Variants in POR observed in about 807,000 individuals in gnomAD.
POR encodes NADPH--cytochrome P450 reductase.
Under a neutral mutation model 84.0 loss-of-function variants are expected in POR, and 56 were observed. That is an observed-to-expected ratio of 0.67 (90% CI 0.54 to 0.83). The LOEUF is 0.83. POR is among the 40% of genes least tolerant of loss of function. The pLI, the probability that POR is intolerant of heterozygous loss-of-function variation, is 0.00. For synonymous variants in POR, 414 were observed against 400.5 expected (o/e 1.03, Z -0.40); for missense variants, 938 against 944.3 (o/e 0.99, Z 0.09).
chr7:75,959,516 C>T (rs1359454545), intron 2 of POR, among the ~76,000 whole-genome samples: 3 of 152,176 alleles, frequency 2.0e-5, no homozygotes, highest in South Asian at 2.1e-4. Flanking sequence ...AGTGCTATGG[C>T]GCGATATCAG....
intron 3 of POR, among the ~76,000 whole-genome samples, chr7:75,976,494 C>T (rs1198189327): frequency 2.0e-5 from 3 of 150,118 alleles, no homozygotes; most frequent in East Asian, 2.0e-4. Context: ...TCTGTAATCC[C>T]AGCACTTTGG....
chr7:75,957,989 C>T (rs1787759462), intron 2 of POR, among the ~76,000 whole-genome samples: 1 of 152,104 alleles, frequency 6.6e-6, no homozygotes, highest in African/African-American at 2.4e-5. Flanking sequence ...AGTCTGTGTC[C>T]CCAACTGTAA....
intron 4 of POR, among the ~76,000 whole-genome samples, chr7:75,980,137 G>A (rs1344305664): frequency 3.9e-5 from 6 of 152,118 alleles, no homozygotes; most frequent in Admixed American, 6.6e-5. Context: ...AGCCTAACAC[G>A]GGTGACCTTG....
At chr7:75,916,487 T>G (rs1208300481) in intron 1 of POR, among the ~76,000 whole-genome samples, 2 of 152,152 alleles carry the variant, frequency 1.3e-5, no homozygotes, top group East Asian at 1.9e-4. Context: ...TCCTTTTTTT[T>G]GGGAGGAGGG....
At chr7:75,949,473 A>G (rs1468577041) in intron 1 of POR, among the ~76,000 whole-genome samples, 5 of 147,800 alleles carry the variant, frequency 3.4e-5, no homozygotes, top group African/African-American at 1.3e-4. Context: ...TTTTGTACGA[A>G]GTATGATGTG....
Position 75,982,330 on chromosome 7 carries a change from G to A in POR, c.830+8G>A. On this transcript the variant is annotated splice_region_variant and intron_variant, in intron 8 of 15. Coordinates refer to ENST00000461988, the MANE Select transcript of POR (RefSeq NM_000941.3). ...CTACGAGAACCAGAAGCCGTGAGTG[G>A]AGGGAGCGTGGCTTGGGGCAGACGG... 1 of 1,606,286 alleles carries A rather than the reference G, an allele frequency of 6.2e-7. No individual in the cohort carries two copies. The highest frequency in any genetic ancestry group is 8.5e-7 in the Non-Finnish European group (1 of 1,176,324).
At chr7:75,959,277 TCTC>T (rs1554554179) in intron 2 of POR, among the ~76,000 whole-genome samples, 1 of 152,110 alleles carries the variant, frequency 6.6e-6, no homozygotes, top group East Asian at 1.9e-4. Flanking sequence ...CAAGCCTAGA[TCTC>T]CTATTCTAAA....
chr7:75,979,073 A>G (rs1477463901), intron 3 of POR, among the ~76,000 whole-genome samples: 1 of 152,226 alleles, frequency 6.6e-6, no homozygotes, highest in African/African-American at 2.4e-5. Context: ...CTGGGATCAC[A>G]GGTGTGAGCC....
At chr7:75,938,810 A>G (rs1807825060) in intron 1 of POR, among the ~76,000 whole-genome samples, 1 of 152,156 alleles carries the variant, frequency 6.6e-6, no homozygotes, top group Non-Finnish European at 1.5e-5. Context: ...ACATAAAAAC[A>G]CATCCCATTG....
chr7:75,937,896 G>A (rs1440947603), intron 1 of POR, among the ~76,000 whole-genome samples: 1 of 152,176 alleles, frequency 6.6e-6, no homozygotes, highest in African/African-American at 2.4e-5. Context: ...TAATGTTGAC[G>A]CTGGATTATA....
chr7:75,919,854 A>G (rs1698387450), intron 1 of POR, among the ~76,000 whole-genome samples: 2 of 152,020 alleles, frequency 1.3e-5, no homozygotes, highest in Admixed American at 6.6e-5. Context: ...TGACTTGGAT[A>G]GGGGGATATC....
chr7:75,974,847 G>C (rs982546359), intron 3 of POR, among the ~76,000 whole-genome samples: 6 of 151,994 alleles, frequency 3.9e-5, no homozygotes. Context: ...TTTTTTAATA[G>C]ATTCTCTCTT....
intron 3 of POR, among the ~76,000 whole-genome samples, chr7:75,973,375 G>A (rs1385691030): frequency 1.4e-5 from 2 of 146,916 alleles, no homozygotes; most frequent in African/African-American, 5.0e-5. Context: ...GTGCAGCGGC[G>A]CCATCATAGC....
In POR at chr7:75,982,237, G is replaced by A. The variant is rs782428590; in HGVS notation, c.745G>A (p.Glu249Lys). The A allele has an allele frequency of 5.6e-6, 9 of 1,611,380 alleles. No homozygotes were observed. Among genetic ancestry groups the A allele is most frequent in the East Asian group, 4.5e-5 (2 of 44,786 alleles). Residue 249 changes from glutamate to lysine, a missense_variant, in exon 8 of 16, where the codon GAG becomes AAG. Glu to Lys is a moderately conservative substitution (Grantham distance 56). Coordinates refer to ENST00000461988, the MANE Select transcript of POR (RefSeq NM_000941.3). ...TCCCCTTTCCAGCATTCGCCAGTAC[G>A]AGCTTGTGGTCCACACCGACATAGA...
intron 1 of POR, among the ~76,000 whole-genome samples, chr7:75,948,750 T>G (rs62475268): frequency 0.18 from 27,997 of 152,198 alleles, 3,406 homozygotes; most frequent in Non-Finnish European, 0.27. Context: ...TATGCCAGTC[T>G]GTGAACTAAG....
chr7:75,946,138 C>CTA (rs1554552106), intron 1 of POR, among the ~76,000 whole-genome samples: 2 of 151,604 alleles, frequency 1.3e-5, no homozygotes, highest in Non-Finnish European at 2.9e-5. Context: ...CGTGGTCAAG[C>CTA]TATACATGCA....
chr7:75,947,130 C>T (rs1225382179), intron 1 of POR: 2 of 152,272 alleles, frequency 1.3e-5, no homozygotes, highest in African/African-American at 2.4e-5. Flanking sequence ...GTTGTTCAGA[C>T]CTAACTATAC....
chr7:75,916,599 TATTATAAA>T, intron 1 of POR, among the ~76,000 whole-genome samples: 1 of 152,284 alleles, frequency 6.6e-6, no homozygotes, highest in Non-Finnish European at 1.5e-5. Flanking sequence ...GCAGATAGCT[TATTATAAA>T]AAGTATTTGT....
intron 1 of POR, among the ~76,000 whole-genome samples, chr7:75,934,927 C>A (rs1022768912): frequency 6.6e-6 from 1 of 152,144 alleles, no homozygotes; most frequent in Admixed American, 6.5e-5. Flanking sequence ...GACCCCTTAC[C>A]GAGAACCTCT....
Sources: allele counts gnomAD v4.1 joint callset (sites outside exome capture counted in the v4.1 genomes callset), GRCh38; gene constraint gnomAD v4.1.1; transcripts MANE v1.5; gene names NCBI Gene and HGNC (gene_info 2026-07-23, HGNC 2026-07-21).